SRPK2: variants seen among roughly 807,000 people sequenced by gnomAD.
SRPK2 encodes SRSF protein kinase 2, also known as SFRS protein kinase 2.
Under a neutral mutation model 90.8 loss-of-function variants are expected in SRPK2, and 21 were observed. That is an observed-to-expected ratio of 0.23 (90% CI 0.16 to 0.33). The LOEUF (loss-of-function observed/expected upper bound fraction) is 0.33. Ranked by LOEUF, SRPK2 falls within the 10% of genes least tolerant of loss-of-function variation. SRPK2 has a pLI of 1.00. For missense variants in SRPK2, 620 were observed against 869.0 expected, an observed-to-expected ratio of 0.71 and a Z score of 3.60; for synonymous variants, 288 against 311.1, an observed-to-expected ratio of 0.93 and a Z score of 0.78.
chr7:105,119,400 C>T (rs911774454), intron 15 of SRPK2, among the ~76,000 whole-genome samples: 1 of 152,150 alleles, frequency 6.6e-6, no homozygotes, highest in Non-Finnish European at 1.5e-5. Flanking sequence ...AGCCTACAAT[C>T]CTACCCACAA....
intron 1 of SRPK2, among the ~76,000 whole-genome samples, chr7:105,396,401 G>C (rs1016817575): frequency 1.2e-4 from 18 of 151,680 alleles, no homozygotes; most frequent in Admixed American, 2.6e-4. Flanking sequence ...ACTTTGGGAG[G>C]CTGAGGCAGG....
chr7:105,332,378 A>G (rs185644349), intron 2 of SRPK2, among the ~76,000 whole-genome samples: 2 of 152,270 alleles, frequency 1.3e-5, no homozygotes, highest in Admixed American at 6.5e-5. Flanking sequence ...AATACCTTCT[A>G]TTTCCAAAAA....
chr7:105,353,950 C>T (rs1261168140), intron 2 of SRPK2, among the ~76,000 whole-genome samples: 1 of 152,162 alleles, frequency 6.6e-6, no homozygotes, highest in African/African-American at 2.4e-5. Context: ...ACACTCCTCC[C>T]CACAGTGCAC....
intron 3 of SRPK2, among the ~76,000 whole-genome samples, chr7:105,172,623 C>T (rs937763965): frequency 6.6e-6 from 1 of 152,168 alleles, no homozygotes; most frequent in Admixed American, 6.5e-5. Context: ...ATTATTTCTA[C>T]AATGCTACAG....
chr7:105,268,815 G>A (rs1288223511), intron 2 of SRPK2: 1 of 1,599,920 alleles, frequency 6.3e-7, no homozygotes, highest in Admixed American at 1.7e-5. Flanking sequence ...CCTTTCTGAA[G>A]AGGACGACTT....
intron 2 of SRPK2, among the ~76,000 whole-genome samples, chr7:105,311,911 T>C (rs1211770459): frequency 2.0e-5 from 3 of 152,200 alleles, no homozygotes; most frequent in African/African-American, 7.2e-5. Flanking sequence ...TGTGCAGGAA[T>C]GTTGGTATAG....
chr7:105,213,996 A>G (rs1211675891), intron 2 of SRPK2, among the ~76,000 whole-genome samples: 1 of 152,250 alleles, frequency 6.6e-6, no homozygotes, highest in South Asian at 2.1e-4. Context: ...ACAGGAAATA[A>G]GGGAAATCCT....
At chr7:105,182,389 T>C (rs151044622) in intron 3 of SRPK2, among the ~76,000 whole-genome samples, 4 of 151,872 alleles carry the variant, frequency 2.6e-5, no homozygotes, top group African/African-American at 4.8e-5. Context: ...GAATGGTACA[T>C]TGAATCAGAC....
intron 2 of SRPK2, among the ~76,000 whole-genome samples, chr7:105,378,934 A>T (rs2132612580): frequency 6.6e-6 from 1 of 152,252 alleles, no homozygotes; most frequent in South Asian, 2.1e-4. Flanking sequence ...GGGAGAGTAA[A>T]GTAGTTCAAT....
intron 2 of SRPK2, among the ~76,000 whole-genome samples, chr7:105,205,193 A>G (rs531197485): frequency 9.6e-4 from 146 of 152,142 alleles, no homozygotes; most frequent in Non-Finnish European, 1.6e-3. Flanking sequence ...AAAAAAACCC[A>G]TACGGCCACA....
intron 7 of SRPK2, among the ~76,000 whole-genome samples, chr7:105,149,892 T>C (rs561136063): frequency 6.6e-6 from 1 of 152,320 alleles, no homozygotes; most frequent in African/African-American, 2.4e-5. Flanking sequence ...TTACATAAAT[T>C]CACTGAATGT....
intron 2 of SRPK2, among the ~76,000 whole-genome samples, chr7:105,355,184 G>A (rs185391795): frequency 1.3e-5 from 2 of 152,036 alleles, no homozygotes; most frequent in Non-Finnish European, 2.9e-5. Context: ...CAACAATGTT[G>A]CTCTTTCAGT....
intron 6 of SRPK2, 41 bp downstream of exon 6, chr7:105,167,336 T>G: frequency 6.5e-7 from 1 of 1,536,138 alleles, no homozygotes; most frequent in Non-Finnish European, 9.0e-7. Context: ...TTTCATTTTT[T>G]AAAAGGTAAA....
At chr7:105,245,159 C>T (rs1237166079) in intron 2 of SRPK2, among the ~76,000 whole-genome samples, 1 of 151,738 alleles carries the variant, frequency 6.6e-6, no homozygotes, top group Non-Finnish European at 1.5e-5. Flanking sequence ...GGCCAAAGAA[C>T]GTGCTAGGCA....
intron 2 of SRPK2, among the ~76,000 whole-genome samples, chr7:105,318,084 C>A (rs1032486022): frequency 6.6e-6 from 1 of 151,868 alleles, no homozygotes; most frequent in Non-Finnish European, 1.5e-5. Flanking sequence ...TTTTAAAATA[C>A]GCTATTCATT....
intron 2 of SRPK2, among the ~76,000 whole-genome samples, chr7:105,331,449 G>GAT (rs1255464998): frequency 6.6e-6 from 1 of 150,514 alleles, no homozygotes; most frequent in Non-Finnish European, 1.5e-5. Context: ...ATAAACTATT[G>GAT]ATCCTAAAAC....
chr7:105,258,339 C>G (rs1803649245), intron 2 of SRPK2, among the ~76,000 whole-genome samples: 1 of 149,812 alleles, frequency 6.7e-6, no homozygotes, highest in South Asian at 2.1e-4. Flanking sequence ...ATTGCTTGAA[C>G]CCGGGAGGCA....
intron 3 of SRPK2, among the ~76,000 whole-genome samples, chr7:105,191,365 G>C (rs1477737760): frequency 1.3e-5 from 2 of 152,096 alleles, no homozygotes; most frequent in Non-Finnish European, 1.5e-5. Context: ...GAGCTCAGGA[G>C]TTCAAGAACA....
chr7:105,197,418 C>T (rs887185211), intron 3 of SRPK2, among the ~76,000 whole-genome samples: 15 of 152,110 alleles, frequency 9.9e-5, no homozygotes, highest in Admixed American at 6.5e-4. Context: ...AAACGTGAGG[C>T]AGAAACAAAG....
Sources: gnomAD v4.1 joint callset for allele counts (sites outside exome capture counted in the v4.1 genomes callset) on GRCh38, gnomAD v4.1.1 for gene constraint, MANE v1.5 for transcripts, NCBI Gene and HGNC (gene_info 2026-07-23, HGNC 2026-07-21) for gene names.